Variants in AGTR1 observed in about 807,000 individuals in gnomAD.
The protein encoded by AGTR1 is angiotensin II receptor type 1.
Under a neutral mutation model 19.4 loss-of-function variants are expected in AGTR1, and 16 were observed. The ratio of observed to expected loss-of-function variants is 0.82; its 90% CI spans 0.56 to 1.25. The LOEUF (loss-of-function observed/expected upper bound fraction) is 1.25, where lower values mean the gene tolerates loss of function less well. AGTR1 is among the 50% of genes most tolerant of loss of function. AGTR1 has a pLI of 0.00. For synonymous variants in AGTR1, 153 were observed against 154.9 expected, an observed-to-expected ratio of 0.99 and a Z score of 0.09; for missense variants, 373 against 431.9, an observed-to-expected ratio of 0.86 and a Z score of 1.21.
At chr3:148,704,355 G>A (rs1712542847) in intron 1 of AGTR1, among the ~76,000 whole-genome samples, 1 of 141,662 alleles carries the variant, frequency 7.1e-6, no homozygotes, top group Admixed American at 7.0e-5. Context: ...AACAGAGAAA[G>A]ACCCTGTCTC....
At position 148,741,494 on chromosome 3, in the gene AGTR1, G is replaced by A; in HGVS notation, c.459G>A (p.Trp153Ter). Reference protein sequence around the residue: ...LVAKVTCIIIWLLAGLASLPA... With the variant: ...LVAKVTCIII ...CCAAAGTCACCTGCATCATCATTTG[G>A]CTGCTGGCAGGCTTGGCCAGTTTGC... Residue 153 changes from tryptophan to a stop codon, truncating the protein, a stop_gained, in exon 3 of 3, where the codon TGG becomes TGA. Transcript: ENST00000349243. LOFTEE classifies it high-confidence loss of function. 6.2e-7 allele frequency: 1 copy of A among 1,613,762 alleles called. No homozygotes were observed. The highest frequency in any genetic ancestry group is 8.5e-7 in the Non-Finnish European group (1 of 1,180,036).
chr3:148,721,496 G>A (rs924917077), intron 2 of AGTR1, among the ~76,000 whole-genome samples: 3 of 152,150 alleles, frequency 2.0e-5, no homozygotes, highest in African/African-American at 7.2e-5. Flanking sequence ...TTAAAAACTG[G>A]ACATACATAT....
At chr3:148,708,243 A>G (rs937031698) in intron 2 of AGTR1, among the ~76,000 whole-genome samples, 3 of 152,202 alleles carry the variant, frequency 2.0e-5, no homozygotes, top group Admixed American at 6.5e-5. Flanking sequence ...CATCAGAATT[A>G]CTAAGCTATT....
intron 1 of AGTR1, among the ~76,000 whole-genome samples, chr3:148,699,954 G>A (rs1241866347): frequency 1.3e-5 from 2 of 152,084 alleles, no homozygotes; most frequent in African/African-American, 2.4e-5. Context: ...TTCCACTGAT[G>A]CCAATGGAAG....
At chr3:148,704,746 CAG>C (rs1225535504) in intron 1 of AGTR1, among the ~76,000 whole-genome samples, 1 of 152,146 alleles carries the variant, frequency 6.6e-6, no homozygotes, top group Non-Finnish European at 1.5e-5. Flanking sequence ...CCTGTTTTGA[CAG>C]GGGCTTATTG....
Position 148,742,268 on chromosome 3 carries a change from T to A in AGTR1, c.*153T>A. 9.1e-7 allele frequency: 1 copy of A among 1,104,230 alleles called. No homozygotes were observed. Among genetic ancestry groups the A allele is most frequent in the Non-Finnish European group, 1.4e-6 (1 of 717,874 alleles). The allele number at this position is 1,104,230 out of a possible 1,614,324, so 68.4% of individuals were successfully genotyped here. A position where few individuals can be genotyped will look rare whatever the true frequency, so the allele number is the denominator to read the frequency against. ...GACTGAACCGACTTTTCTAAAGCTC[T>A]GAACAAAAGCTTTTCTTTCCTTTTG... On this transcript the variant is annotated 3_prime_UTR_variant, in exon 3 of 3. Transcript: ENST00000349243.
chr3:148,741,205 T>G lies in AGTR1; in HGVS notation c.170T>G (p.Met57Arg). The G allele has an allele frequency of 1.2e-6, 2 of 1,614,212 alleles. No homozygotes were observed. Among genetic ancestry groups the G allele is most frequent in the Non-Finnish European group, 1.7e-6 (2 of 1,180,044 alleles). Residue 57 changes from methionine to arginine, a missense_variant, in exon 3 of 3, where the codon ATG (methionine) becomes AGG (arginine). Transcript: ENST00000349243. ...GTGGTGATAGTCATTTACTTTTATA[T>G]GAAGCTGAAGACTGTGGCCAGTGTT... The part of the protein sequence containing the change: ...SLVVIVIYFY[M>R]KLKTVASVFL...
At chr3:148,717,922 T>A (rs1183022476) in intron 2 of AGTR1, among the ~76,000 whole-genome samples, 1 of 152,206 alleles carries the variant, frequency 6.6e-6, no homozygotes, top group Non-Finnish European at 1.5e-5. Flanking sequence ...CACTAGGCAA[T>A]TTGCCTGCAA....
At chr3:148,718,323 G>C (rs985135582) in intron 2 of AGTR1, among the ~76,000 whole-genome samples, 8 of 152,186 alleles carry the variant, frequency 5.3e-5, no homozygotes, top group African/African-American at 1.9e-4. Flanking sequence ...ACTTAAATAT[G>C]TGAATACATG....
At chr3:148,703,446 G>A (rs987061256) in intron 1 of AGTR1, among the ~76,000 whole-genome samples, 5 of 152,184 alleles carry the variant, frequency 3.3e-5, no homozygotes, top group Non-Finnish European at 5.9e-5. Context: ...TAATTATGAA[G>A]AGGTGTTTTC....
chr3:148,730,389 C>T, intron 2 of AGTR1: 1 of 386,200 alleles, frequency 2.6e-6, no homozygotes, highest in Non-Finnish European at 4.6e-6. Flanking sequence ...TCCACCCTAC[C>T]TGAATTATAG....
intron 2 of AGTR1, among the ~76,000 whole-genome samples, chr3:148,726,582 T>C (rs1350799476): frequency 6.6e-6 from 1 of 152,236 alleles, no homozygotes; most frequent in Admixed American, 6.5e-5. Flanking sequence ...GTTTTGTGTG[T>C]TAAGATTCAG....
chr3:148,728,926 A>G (rs2107958243), intron 2 of AGTR1, among the ~76,000 whole-genome samples: 2 of 152,348 alleles, frequency 1.3e-5, no homozygotes, highest in South Asian at 2.1e-4. Flanking sequence ...TGCTGGCTCA[A>G]ATGAAATTGT....
rs370495451 is a variant in AGTR1, at chr3:148,741,741, G to T, written c.706G>T (p.Asp236Tyr). 6 of 1,613,826 alleles carry T rather than the reference G, an allele frequency of 3.7e-6. No individual in the cohort carries two copies. The South Asian group carries it at 5.5e-5, about 15-fold the overall frequency. The change falls in exon 3 of 3, where the codon GAT becomes TAT. Residue 236 changes from aspartate (D) to tyrosine (Y), a missense_variant. Asp to Tyr is a radical substitution (Grantham distance 160, BLOSUM62 -3). Coordinates refer to ENST00000349243, the MANE Select transcript of AGTR1 (RefSeq NM_000685.5). ...AATTCAGAAGAACAAACCAAGAAAT[G>T]ATGATATTTTTAAGATAATTATGGC... ...YEIQKNKPRN[D>Y]DIFKIIMAIV...
intron 2 of AGTR1, among the ~76,000 whole-genome samples, chr3:148,725,568 C>A (rs1713882475): frequency 6.6e-6 from 1 of 152,166 alleles, no homozygotes; most frequent in Non-Finnish European, 1.5e-5. Flanking sequence ...CAACCTTCGC[C>A]TCCTCCTGGG....
intron 2 of AGTR1, among the ~76,000 whole-genome samples, chr3:148,728,870 T>C (rs187432948): frequency 1.3e-5 from 2 of 152,326 alleles, no homozygotes; most frequent in East Asian, 3.9e-4. Context: ...TTATAAAAAC[T>C]AGAGAGTGTT....
chr3:148,703,927 C>T (rs981463081), intron 1 of AGTR1, among the ~76,000 whole-genome samples: 2 of 152,046 alleles, frequency 1.3e-5, no homozygotes, highest in Admixed American at 1.3e-4. Flanking sequence ...GAAATTCCTT[C>T]TTTAACTGTT....
At chr3:148,739,690 C>A in intron 2 of AGTR1, 1 of 1,048,878 alleles carries the variant, frequency 9.5e-7, no homozygotes, top group Non-Finnish European at 1.2e-6. Flanking sequence ...CATCCCTTTG[C>A]ACCAAAGTGA....
chr3:148,723,168 T>A (rs1183535971), intron 2 of AGTR1, among the ~76,000 whole-genome samples: 1 of 152,172 alleles, frequency 6.6e-6, no homozygotes. Context: ...CTTCCTGCAC[T>A]TTTTTTATGT....
Sources: allele counts gnomAD v4.1 joint callset (sites outside exome capture counted in the v4.1 genomes callset), GRCh38; gene constraint gnomAD v4.1.1; transcripts MANE v1.5; gene names NCBI Gene and HGNC (gene_info 2026-07-23, HGNC 2026-07-21).